The following TRAPPC12 variants were observed in gnomAD, a reference collection of about 807,000 sequenced individuals.
TRAPPC12 encodes the protein trafficking protein particle complex subunit 12.
A neutral mutation model predicts 69.2 loss-of-function variants in TRAPPC12; 61 were observed. That is an observed-to-expected ratio of 0.88 (90% CI 0.72 to 1.09). TRAPPC12 has a LOEUF of 1.09. TRAPPC12 is among the 50% of genes least tolerant of loss of function. TRAPPC12 has a pLI of 0.00. For missense variants in TRAPPC12, 1,101 were observed against 1,016.4 expected, an observed-to-expected ratio of 1.08 and a Z score of -1.13; for synonymous variants, 469 against 438.9, an observed-to-expected ratio of 1.07 and a Z score of -0.86.
At chr2:3,469,837 G>A (rs1665984468) in intron 9 of TRAPPC12, among the ~76,000 whole-genome samples, 1 of 152,234 alleles carries the variant, frequency 6.6e-6, no homozygotes, top group Admixed American at 6.5e-5. Context: ...GCCAGCAGCA[G>A]TCATGAGCAT....
intron 2 of TRAPPC12, among the ~76,000 whole-genome samples, chr2:3,400,680 G>T (rs1661389764): frequency 6.6e-6 from 1 of 152,206 alleles, no homozygotes; most frequent in Admixed American, 6.5e-5. Context: ...TCGGCCTGCG[G>T]TGCAGCCACC....
Position 3,439,379 on chromosome 2 carries a change from AAGCCCCTGGGCT to A in TRAPPC12, c.1418-4399_1418-4388del, listed in dbSNP as rs1307468230. On this transcript the variant is annotated intron_variant, in intron 5 of 11. Transcript: ENST00000324266. Reference sequence around the variant, plus strand: ...TGCAGTTATGGCCCACTGCAGCCTCAAGCCCCTGGGCTTAAGCAGCCTTCCCACCTCAACCAA... The same window carrying A: ...TGCAGTTATGGCCCACTGCAGCCTCATAAGCAGCCTTCCCACCTCAACCAA... 5.9e-5 allele frequency among the ~76,000 whole-genome samples: 9 copies of A among 152,208 alleles called. No homozygotes were observed. The East Asian group carries it at 1.7e-3, about 29-fold the overall frequency.
chr2:3,411,812 C>T (rs1158957773), intron 3 of TRAPPC12, among the ~76,000 whole-genome samples: 2 of 152,154 alleles, frequency 1.3e-5, no homozygotes, highest in African/African-American at 4.8e-5. Flanking sequence ...ATTCTGAAGT[C>T]AAAGGCTGTT....
intron 6 of TRAPPC12, among the ~76,000 whole-genome samples, chr2:3,447,561 C>T (rs867239831): frequency 5.9e-5 from 9 of 152,112 alleles, no homozygotes; most frequent in African/African-American, 1.7e-4. Context: ...GCCATAGGGA[C>T]GGTACCAAGC....
chr2:3,417,904 G>A (rs974291569), intron 3 of TRAPPC12, among the ~76,000 whole-genome samples: 10 of 97,898 alleles, frequency 1.0e-4, no homozygotes, highest in Non-Finnish European at 1.4e-4. Flanking sequence ...TTAGCCGGGC[G>A]TGGTGGCGGG....
chr2:3,407,954 C>T (rs1252371496), intron 3 of TRAPPC12, among the ~76,000 whole-genome samples: 1 of 152,130 alleles, frequency 6.6e-6, no homozygotes, highest in Non-Finnish European at 1.5e-5. Flanking sequence ...CTGGCTCTGG[C>T]TCTCACAGTA....
chr2:3,382,958 A>G (rs1471556471), intron 1 of TRAPPC12, among the ~76,000 whole-genome samples: 1 of 152,194 alleles, frequency 6.6e-6, no homozygotes, highest in East Asian at 1.9e-4. Context: ...TAATAGAAAT[A>G]ACTTAAACCA....
At chr2:3,399,108 T>G (rs1400309526) in intron 2 of TRAPPC12, among the ~76,000 whole-genome samples, 1 of 152,254 alleles carries the variant, frequency 6.6e-6, no homozygotes. Context: ...CTTGGCCCTC[T>G]GTTGGTGGGA....
Position 3,387,977 on chromosome 2 carries a change from T to C in TRAPPC12, c.354T>C (p.Cys118=). 2.0e-6 allele frequency: 3 copies of C among 1,474,818 alleles called. No homozygotes were observed. The highest frequency in any genetic ancestry group is 1.3e-5 in the South Asian group (1 of 75,310). 91.4% of individuals were successfully genotyped at this position (1,474,818 alleles called of 1,614,324 possible). A position where few individuals can be genotyped will look rare whatever the true frequency, so the allele number is the denominator to read the frequency against. Residue 118 remains cysteine (C), a synonymous_variant, in exon 2 of 12, where the codon TGT becomes TGC. Transcript: ENST00000324266. ...CCAGCGGCGAGGCCGACGGCGACTG[T>C]GCCCCCGAGGACGCGGCACCCAGTA... ...PSPSGEADGD[C]APEDAAPSSG...
At chr2:3,441,659 TTATTATTTTCTTATAATAAAATA>T (rs1664210002) in intron 5 of TRAPPC12, among the ~76,000 whole-genome samples, 1 of 138,608 alleles carries the variant, frequency 7.2e-6, no homozygotes, top group Non-Finnish European at 1.7e-5. Flanking sequence ...AATAATATTT[TTATTATTTTCTTATAATAAAATA>T]TTTTATTTTC....
chr2:3,449,350 C>G (rs1664724764), intron 6 of TRAPPC12: 1 of 152,564 alleles, frequency 6.6e-6, no homozygotes, highest in African/African-American at 2.4e-5. Context: ...CCCGCCCAGT[C>G]TTGAGTTCAG....
At chr2:3,435,438 TTTAA>T (rs1195685709) in intron 5 of TRAPPC12, among the ~76,000 whole-genome samples, 11 of 152,324 alleles carry the variant, frequency 7.2e-5, no homozygotes, top group South Asian at 4.1e-4. Flanking sequence ...TAGCGCTAGT[TTTAA>T]TTGTGATTTT....
chr2:3,447,263 A>G (rs1664559955), intron 6 of TRAPPC12, among the ~76,000 whole-genome samples: 2 of 151,972 alleles, frequency 1.3e-5, no homozygotes, highest in Admixed American at 1.3e-4. Context: ...ACACCTGGCT[A>G]ATTTTTCTAT....
chr2:3,407,425 G>A (rs1220047369), intron 3 of TRAPPC12, among the ~76,000 whole-genome samples: 1 of 152,088 alleles, frequency 6.6e-6, no homozygotes, highest in Admixed American at 6.5e-5. Context: ...TACATGTCAT[G>A]TACAGTAATT....
Position 3,401,769 on chromosome 2 carries a change from C to A in TRAPPC12, c.1048-8C>A. 1 of 1,543,676 alleles carries A rather than the reference C, an allele frequency of 6.5e-7. No homozygotes were observed. The highest frequency in any genetic ancestry group is 8.7e-7 in the Non-Finnish European group (1 of 1,145,246). On this transcript the variant is annotated splice_region_variant and splice_polypyrimidine_tract_variant and intron_variant, in intron 2 of 11. Coordinates refer to ENST00000324266, the MANE Select transcript of TRAPPC12 (RefSeq NM_016030.6). ...TGTCTTGACATATTTTTCTTCTATT[C>A]TTCCCAGGGAGATGCAGTTAAAGAC...
intron 2 of TRAPPC12, among the ~76,000 whole-genome samples, chr2:3,399,676 T>C (rs1170610425): frequency 6.6e-6 from 1 of 152,212 alleles, no homozygotes; most frequent in Non-Finnish European, 1.5e-5. Flanking sequence ...TGTCAGCAGC[T>C]TTTCTGATTC....
intron 7 of TRAPPC12, among the ~76,000 whole-genome samples, chr2:3,459,769 T>C (rs1665384798): frequency 6.6e-6 from 1 of 152,196 alleles, no homozygotes; most frequent in East Asian, 1.9e-4. Context: ...GGAACCGGCG[T>C]CTGCACCAGC....
At position 3,445,273 on chromosome 2, in the gene TRAPPC12, T is replaced by C. The variant is rs1664446028; in HGVS notation, c.1530+1382T>C. 2.0e-5 allele frequency among the ~76,000 whole-genome samples: 3 copies of C among 152,196 alleles called. No homozygotes were observed. The South Asian group carries it at 6.2e-4, about 31-fold the overall frequency. On this transcript the variant is annotated intron_variant, in intron 6 of 11. Coordinates refer to ENST00000324266, the MANE Select transcript of TRAPPC12 (RefSeq NM_016030.6). ...AGGGGCTCATGCCTGTAATCCCAGC[T>C]ACTTGGGAGGCTGAGGCATGAGAAT...
Position 3,382,198 on chromosome 2 carries a change from G to A in TRAPPC12, c.-5+2322G>A, listed in dbSNP as rs916504259. Among the ~76,000 whole-genome samples the A allele has an allele frequency of 2.2e-5, 3 of 138,520 alleles. No homozygotes were observed. The Admixed American group carries it at 2.4e-4, about 11-fold the overall frequency. The allele number at this position is 138,520 out of a possible 152,430, so 90.9% of individuals were successfully genotyped here. ...CCGCCAGGCTGGAGTGCAGTGGCACGATCTTGGCTCACTGCAACCTCCGCC... is the reference window on the plus strand; with the variant it reads ...CCGCCAGGCTGGAGTGCAGTGGCACAATCTTGGCTCACTGCAACCTCCGCC... On this transcript the variant is annotated intron_variant, in intron 1 of 11. Coordinates refer to ENST00000324266, the MANE Select transcript of TRAPPC12 (RefSeq NM_016030.6).
Sources: gnomAD v4.1 joint callset for allele counts (sites outside exome capture counted in the v4.1 genomes callset) on GRCh38, gnomAD v4.1.1 for gene constraint, MANE v1.5 for transcripts, NCBI Gene and HGNC (gene_info 2026-07-23, HGNC 2026-07-21) for gene names.